Variants in SYNDIG1L observed in about 807,000 individuals in gnomAD.
SYNDIG1L encodes synapse differentiation-inducing gene protein 1-like.
Under a neutral mutation model 20.1 loss-of-function variants are expected in SYNDIG1L, and 13 were observed. That is an observed-to-expected ratio of 0.65 (90% CI 0.42 to 1.03). SYNDIG1L has a LOEUF of 1.03. Among genes scored for constraint, SYNDIG1L ranks in the 50% least tolerant of loss-of-function variants. SYNDIG1L has a pLI of 0.00. For synonymous variants in SYNDIG1L, 128 were observed against 129.3 expected, an observed-to-expected ratio of 0.99 and a Z score of 0.07; for missense variants, 294 against 305.1, an observed-to-expected ratio of 0.96 and a Z score of 0.27.
chr14:74,472,213 T>G, the SYNDIG1L span: 1 of 152,190 alleles, frequency 6.6e-6, no homozygotes, highest in Non-Finnish European at 1.5e-5. Flanking sequence ...GAATTCTCCC[T>G]CTCTCCCTCT....
upstream of SYNDIG1L, among the ~76,000 whole-genome samples, chr14:74,429,397 C>A (rs1482754459): frequency 6.6e-6 from 1 of 152,224 alleles, no homozygotes; most frequent in Admixed American, 6.5e-5. Flanking sequence ...CTGGGGACTT[C>A]CCTTCATAAG....
the SYNDIG1L span, among the ~76,000 whole-genome samples, chr14:74,470,946 C>G: frequency 6.6e-6 from 1 of 152,110 alleles, no homozygotes; most frequent in Admixed American, 6.6e-5. Context: ...GGACAGTGAG[C>G]AAGTATTTGT....
chr14:74,467,242 C>T, the SYNDIG1L span, among the ~76,000 whole-genome samples: 373 of 152,226 alleles, frequency 2.5e-3, no homozygotes, highest in African/African-American at 8.7e-3. Context: ...GCTGGGATTA[C>T]GGGTGTGAGC....
At chr14:74,468,474 A>G in the SYNDIG1L span, among the ~76,000 whole-genome samples, 1 of 151,346 alleles carries the variant, frequency 6.6e-6, no homozygotes, top group Non-Finnish European at 1.5e-5. Flanking sequence ...TCTCGGGGAC[A>G]TTCTCCTCCC....
chr14:74,462,872 C>A, the SYNDIG1L span, among the ~76,000 whole-genome samples: 1 of 152,134 alleles, frequency 6.6e-6, no homozygotes, highest in Admixed American at 6.5e-5. Flanking sequence ...TGGAATGTAA[C>A]CCCCTCATGG....
chr14:74,415,742 T>C (rs1286275197), intron 1 of SYNDIG1L, among the ~76,000 whole-genome samples: 2 of 152,066 alleles, frequency 1.3e-5, no homozygotes, highest in Non-Finnish European at 2.9e-5. Flanking sequence ...GGTTTTGCCA[T>C]GTTTCCCAGG....
At chr14:74,476,091 G>C in the SYNDIG1L span, 49,377 of 236,516 alleles carry the variant, frequency 0.21, 5,879 homozygotes, top group African/African-American at 0.33. Context: ...AATCTTACAA[G>C]CATTGTGTGT....
the SYNDIG1L span, chr14:74,476,385 C>T: frequency 1.3e-6 from 1 of 770,756 alleles, no homozygotes. Context: ...TTTCTGCCTG[C>T]TGGCTGCTTA....
chr14:74,433,530 C>T, the SYNDIG1L span, among the ~76,000 whole-genome samples: 10 of 151,946 alleles, frequency 6.6e-5, no homozygotes, highest in African/African-American at 1.5e-4. Flanking sequence ...ATTATAGGCA[C>T]GCACCCACCA....
At chr14:74,426,731 C>T (rs1461028640), upstream of SYNDIG1L, among the ~76,000 whole-genome samples, 1 of 145,108 alleles carries the variant, frequency 6.9e-6, no homozygotes, top group Non-Finnish European at 1.5e-5. Flanking sequence ...CCCCCTCCCC[C>T]TGTCCCCCTT....
chr14:74,445,014 T>G, the SYNDIG1L span, among the ~76,000 whole-genome samples: 1 of 152,184 alleles, frequency 6.6e-6, no homozygotes, highest in Non-Finnish European at 1.5e-5. Context: ...ATCCCCAGTG[T>G]TGGAGGTGGG....
chr14:74,426,552 C>T (rs913496400), upstream of SYNDIG1L, among the ~76,000 whole-genome samples: 3 of 152,226 alleles, frequency 2.0e-5, no homozygotes, highest in African/African-American at 7.2e-5. Flanking sequence ...GAGTTTTTAA[C>T]ATTGATCTGC....
chr14:74,435,419 C>T, the SYNDIG1L span, among the ~76,000 whole-genome samples: 46 of 152,330 alleles, frequency 3.0e-4, no homozygotes, highest in African/African-American at 1.1e-3. Context: ...CTTCAAGAAT[C>T]TTCTGTAGAA....
chr14:74,435,798 G>C, the SYNDIG1L span, among the ~76,000 whole-genome samples: 3 of 152,190 alleles, frequency 2.0e-5, no homozygotes, highest in Non-Finnish European at 2.9e-5. Context: ...ACACTCTCCA[G>C]AGGAACTTTC....
chr14:74,428,244 T>C (rs1271203468), upstream of SYNDIG1L, among the ~76,000 whole-genome samples: 4 of 152,264 alleles, frequency 2.6e-5, no homozygotes, highest in African/African-American at 9.6e-5. Context: ...CAATGTATGA[T>C]GCTTGTGACA....
intron 1 of SYNDIG1L, among the ~76,000 whole-genome samples, chr14:74,413,584 T>G (rs2041159): frequency 0.47 from 71,529 of 150,696 alleles, 16,928 homozygotes; most frequent in Non-Finnish European, 0.5. Flanking sequence ...TTTTATACTG[T>G]TTTTTCTGTT....
At chr14:74,419,330 G>A (rs570967253) in intron 1 of SYNDIG1L, among the ~76,000 whole-genome samples, 1 of 152,140 alleles carries the variant, frequency 6.6e-6, no homozygotes, top group African/African-American at 2.4e-5. Context: ...GGGTGGTAAC[G>A]GTCTGTCTTG....
chr14:74,446,863 T>C, the SYNDIG1L span, among the ~76,000 whole-genome samples: 1 of 152,158 alleles, frequency 6.6e-6, no homozygotes, highest in East Asian at 1.9e-4. Context: ...GTGATCTGCC[T>C]GCCTCATCCT....
intron 1 of SYNDIG1L, among the ~76,000 whole-genome samples, chr14:74,410,870 A>T (rs1451336435): frequency 6.6e-6 from 1 of 152,064 alleles, no homozygotes; most frequent in Non-Finnish European, 1.5e-5. Flanking sequence ...TTCCTGCAGG[A>T]TCTAAGGTGG....
Sources: gnomAD v4.1 joint callset for allele counts (sites outside exome capture counted in the v4.1 genomes callset) on GRCh38, gnomAD v4.1.1 for gene constraint, MANE v1.5 for transcripts, NCBI Gene and HGNC (gene_info 2026-07-23, HGNC 2026-07-21) for gene names.